The following HPS5 variants were observed in gnomAD, a reference collection of about 807,000 sequenced individuals.
HPS5 encodes HPS5 biogenesis of lysosomal organelles complex 2 subunit 2, also known as BLOC-2 complex member HPS5.
HPS5 carries 83 observed loss-of-function variants against 128.0 expected under a neutral mutation model. The ratio of observed to expected loss-of-function variants is 0.65; its 90% CI spans 0.54 to 0.78. The LOEUF (loss-of-function observed/expected upper bound fraction) is 0.78, where lower values mean the gene tolerates loss of function less well. Ranked by LOEUF, HPS5 falls within the 30% of genes least tolerant of loss-of-function variation. HPS5 has a pLI of 0.00. For missense variants in HPS5, 1,281 were observed against 1,326.2 expected (o/e 0.97, Z 0.53); for synonymous variants, 475 against 470.2 (o/e 1.01, Z -0.13).
chr11:18,306,456 CTTCA>C lies in HPS5; in HGVS notation c.612-113_612-110del, dbSNP rs941572647. ...ATAACTCCACTCACAATGCCTTCTCCTTCATTCATATTAGCAATATACTGAAAAA... is the reference window on the plus strand; with the variant it reads ...ATAACTCCACTCACAATGCCTTCTCCTTCATATTAGCAATATACTGAAAAA... On this transcript the variant is annotated intron_variant, in intron 6 of 22. Transcript: ENST00000349215. The C allele has an allele frequency of 1.1e-5, 8 of 704,922 alleles. No homozygotes were observed. In the Admixed American group the frequency reaches 1.8e-4, roughly 16 times the overall value. The allele number at this position is 704,922 out of a possible 1,614,324, so 43.7% of individuals were successfully genotyped here.
rs1334928034 is a variant in HPS5, at chr11:18,302,829, G to GT, written c.897-1914_897-1913insA. ...GTCAAAGGAGAAAAAAAGCGGGGGG[G>GT]GGGGGGGTGTCAGAGGATCCCTGAG... On this transcript the variant is annotated intron_variant, in intron 8 of 22. Transcript: ENST00000349215. Among the ~76,000 whole-genome samples, 4 of 68,298 alleles carry GT rather than the reference G, an allele frequency of 5.9e-5. 1 individual carries two copies. The highest frequency in any genetic ancestry group is 1.3e-4 in the Admixed American group (1 of 7,948). 44.8% of individuals were successfully genotyped at this position (68,298 alleles called of 152,430 possible).
At chr11:18,285,654 T>C (rs1034661557) in intron 19 of HPS5, among the ~76,000 whole-genome samples, 195 bp from the exon 20 acceptor site, 1 of 152,240 alleles carries the variant, frequency 6.6e-6, no homozygotes, top group African/African-American at 2.4e-5. Context: ...TTAGATACTT[T>C]AGGTAATCAA....
At chr11:18,312,784 A>G (rs779579903) in intron 2 of HPS5, among the ~76,000 whole-genome samples, 1 of 152,244 alleles carries the variant, frequency 6.6e-6, no homozygotes, top group Non-Finnish European at 1.5e-5. Flanking sequence ...GACAGGACAC[A>G]TATTGCAAAA....
chr11:18,319,235 T>C (rs1025011843), intron 1 of HPS5, among the ~76,000 whole-genome samples: 1 of 145,372 alleles, frequency 6.9e-6, no homozygotes, highest in East Asian at 2.0e-4. Context: ...CAGTTTATAA[T>C]ACGGAGGAAA....
intron 14 of HPS5, 30 bp from the exon 15 acceptor site, chr11:18,293,006 T>G: frequency 1.3e-6 from 2 of 1,561,410 alleles, no homozygotes; most frequent in Non-Finnish European, 1.8e-6. Context: ...AACAATAACA[T>G]TCACAAGAGT....
Position 18,280,687 on chromosome 11 carries a change from A to G in HPS5, c.3330-745T>C, listed in dbSNP as rs550220909. ...TAAACAAAAGGTGGCATATATATAC[A>G]ACGGAATATTATTCAGCCTTAAGTA... On this transcript the variant is annotated intron_variant, in intron 22 of 22. Coordinates refer to ENST00000349215, the MANE Select transcript of HPS5 (RefSeq NM_181507.2). 9.9e-5 allele frequency: 63 copies of G among 635,686 alleles called. No individual in the cohort carries two copies. The African/African-American group carries it at 1.0e-3, about 10-fold the overall frequency. 39.4% of individuals were successfully genotyped at this position (635,686 alleles called of 1,614,324 possible). A position where few individuals can be genotyped will look rare whatever the true frequency, so the allele number is the denominator to read the frequency against.
chr11:18,283,288 C>T (rs1474259951), intron 21 of HPS5, among the ~76,000 whole-genome samples: 2 of 150,944 alleles, frequency 1.3e-5, no homozygotes, highest in Admixed American at 1.3e-4. Context: ...AAGCGTGAGC[C>T]ACCGCGCCTG....
At chr11:18,286,935 A>G (rs1202700339) in intron 18 of HPS5, 6 of 623,736 alleles carry the variant, frequency 9.6e-6, no homozygotes, top group East Asian at 5.5e-5. Flanking sequence ...AGAGAAAGAG[A>G]GAGAGAAAGA....
rs550026651 is a variant in HPS5, at chr11:18,299,632, A to T, written c.986-662T>A. ...TCTGGTTTTAACCCAAAGAATATAG[A>T]GATTGATTTTCTGTCTCAGTCACAT... On this transcript the variant is annotated intron_variant, in intron 9 of 22. Coordinates refer to ENST00000349215, the MANE Select transcript of HPS5 (RefSeq NM_181507.2). Among the ~76,000 whole-genome samples the T allele has an allele frequency of 2.9e-4, 44 of 152,356 alleles. No individual in the cohort carries two copies. The South Asian group carries it at 7.3e-3, about 25-fold the overall frequency.
intron 22 of HPS5, chr11:18,280,629 A>G (rs1420297614): frequency 1.4e-6 from 1 of 693,138 alleles, no homozygotes; most frequent in East Asian, 2.7e-5. Flanking sequence ...AGAAAGTGGA[A>G]GCAATTCAAG....
At position 18,295,985 on chromosome 11, in the gene HPS5, A is replaced by C. The variant is rs762817233; in HGVS notation, c.1634+14T>G. 1.3e-5 allele frequency: 21 copies of C among 1,611,060 alleles called. No homozygotes were observed. The highest frequency in any genetic ancestry group is 1.7e-5 in the Non-Finnish European group (20 of 1,177,300). The stretch of plus-strand genomic sequence containing the variant: ...ATCAGTAATGGAATTAAATGACAAG[A>C]CTAATTGGTTTACCTTTCTTTGACA... On this transcript the variant is annotated intron_variant, in intron 13 of 22. Coordinates refer to ENST00000349215, the MANE Select transcript of HPS5 (RefSeq NM_181507.2).
chr11:18,291,291 TA>T (rs1256114482), intron 16 of HPS5, 150 bp downstream of exon 16: 2 of 530,336 alleles, frequency 3.8e-6, no homozygotes, highest in Non-Finnish European at 6.7e-6. Context: ...AAAGAACTAT[TA>T]AAAGTTAAAA....
At chr11:18,292,602 T>A (rs1860552367) in intron 15 of HPS5, among the ~76,000 whole-genome samples, 2 of 152,214 alleles carry the variant, frequency 1.3e-5, no homozygotes, top group African/African-American at 4.8e-5. Context: ...GTGTGAAGGC[T>A]GCCAATCTTC....
At chr11:18,309,649 T>C (rs1211842008) in intron 5 of HPS5, among the ~76,000 whole-genome samples, 2 of 152,222 alleles carry the variant, frequency 1.3e-5, no homozygotes, top group African/African-American at 2.4e-5. Context: ...ATTGATAACG[T>C]TGATAGGTCA....
intron 9 of HPS5, among the ~76,000 whole-genome samples, chr11:18,300,279 A>G (rs1481097887): frequency 6.6e-6 from 1 of 152,170 alleles, no homozygotes; most frequent in Non-Finnish European, 1.5e-5. Flanking sequence ...TTATGTGTCA[A>G]TTAAAAAATA....
intron 13 of HPS5, among the ~76,000 whole-genome samples, chr11:18,295,410 A>T (rs1287023178): frequency 1.3e-5 from 2 of 152,250 alleles, no homozygotes; most frequent in Non-Finnish European, 2.9e-5. Flanking sequence ...GCTAAAGAAA[A>T]GGTCTTTAAC....
At position 18,291,456 on chromosome 11, in the gene HPS5, A is replaced by G; in HGVS notation, c.2426T>C (p.Ile809Thr). 6.2e-7 allele frequency: 1 copy of G among 1,603,396 alleles called. No individual in the cohort carries two copies. Among genetic ancestry groups the G allele is most frequent in the Non-Finnish European group, 8.5e-7 (1 of 1,170,366 alleles). Residue 809 changes from isoleucine (I) to threonine (T), a missense_variant, in exon 16 of 23, where the codon ATT becomes ACT. Transcript: ENST00000349215. ...CTGAGTATTACCTTTCAATCCTTCA[A>G]TAAAAGTATCCCAAACAGAAGGGCT... ...SNSPSVWDTF[I>T]EGLKEMASSN...
chr11:18,317,637 C>T, intron 2 of HPS5, 114 bp downstream of exon 2: 1 of 977,372 alleles, frequency 1.0e-6, no homozygotes, highest in South Asian at 1.4e-5. Context: ...AAAAGTATGA[C>T]TAGGACAGGT....
chr11:18,319,255 CCACACACACACACACACACACA>C (rs10531816), intron 1 of HPS5, among the ~76,000 whole-genome samples: 2 of 139,116 alleles, frequency 1.4e-5, no homozygotes, highest in African/African-American at 5.5e-5. Context: ...AAGACAAATA[CCACACACACACACACACACACA>C]CACACACACA....
Sources: gnomAD v4.1 joint callset for allele counts (sites outside exome capture counted in the v4.1 genomes callset) on GRCh38, gnomAD v4.1.1 for gene constraint, MANE v1.5 for transcripts, NCBI Gene and HGNC (gene_info 2026-07-23, HGNC 2026-07-21) for gene names.